TMEM156: variants seen among roughly 807,000 people sequenced by gnomAD.
TMEM156 encodes transmembrane protein 156.
A neutral mutation model predicts 30.5 loss-of-function variants in TMEM156; 28 were observed. The observed-to-expected ratio is 0.92, with a 90% CI of 0.68 to 1.26. The LOEUF (loss-of-function observed/expected upper bound fraction) is 1.26. Among genes scored for constraint, TMEM156 ranks in the 50% most tolerant of loss-of-function variants. TMEM156 has a pLI of 0.00. For synonymous variants in TMEM156, 137 were observed against 119.9 expected (o/e 1.14, Z -0.93); for missense variants, 351 against 340.6 (o/e 1.03, Z -0.24).
intron 3 of TMEM156, among the ~76,000 whole-genome samples, chr4:38,989,790 C>CTTATTTTATT (rs1271037053): frequency 3.2e-5 from 4 of 124,736 alleles, no homozygotes; most frequent in African/African-American, 1.1e-4. Context: ...TTTATTTTAT[C>CTTATTTTATT]TTATTTTATT....
intron 1 of TMEM156, among the ~76,000 whole-genome samples, chr4:39,014,550 G>A (rs1374949137): frequency 6.6e-6 from 1 of 152,054 alleles, no homozygotes; most frequent in African/African-American, 2.4e-5. Context: ...CTTGAGGTCA[G>A]GAGTTTGAGG....
At chr4:39,022,849 A>G (rs1714959907) in intron 1 of TMEM156, among the ~76,000 whole-genome samples, 1 of 152,224 alleles carries the variant, frequency 6.6e-6, no homozygotes, top group Non-Finnish European at 1.5e-5. Flanking sequence ...TTGACTATAC[A>G]TATTCTAAGT....
intron 6 of TMEM156, 61 bp from the exon 7 acceptor site, chr4:38,967,702 T>C (rs1722410914): frequency 6.6e-6 from 1 of 152,268 alleles, no homozygotes; most frequent in Non-Finnish European, 1.5e-5. Flanking sequence ...TAAGTGTTAC[T>C]TGAATTAGAA....
intron 1 of TMEM156, among the ~76,000 whole-genome samples, chr4:39,003,371 G>T (rs1713511220): frequency 6.6e-6 from 1 of 151,878 alleles, no homozygotes; most frequent in South Asian, 2.1e-4. Flanking sequence ...TTTTGCTCTT[G>T]TTGCCTAGGC....
intron 3 of TMEM156, among the ~76,000 whole-genome samples, 181 bp from the exon 4 acceptor site, chr4:38,989,151 G>A (rs1418118119): frequency 6.6e-6 from 1 of 152,182 alleles, no homozygotes; most frequent in East Asian, 1.9e-4. Flanking sequence ...TGAAATGAAG[G>A]TATTATACGG....
At chr4:39,009,043 TA>T (rs1414321103) in intron 1 of TMEM156, among the ~76,000 whole-genome samples, 2 of 151,932 alleles carry the variant, frequency 1.3e-5, no homozygotes, top group African/African-American at 4.8e-5. Context: ...AAGAGCTAAA[TA>T]ACCATGATCA....
At chr4:39,017,061 A>G (rs1035097589) in intron 1 of TMEM156, among the ~76,000 whole-genome samples, 2 of 151,964 alleles carry the variant, frequency 1.3e-5, no homozygotes, top group Non-Finnish European at 2.9e-5. Context: ...AAACCACCCT[A>G]TGATTCAATT....
intron 1 of TMEM156, among the ~76,000 whole-genome samples, chr4:39,010,651 A>G (rs1577567347): frequency 6.6e-6 from 1 of 152,226 alleles, no homozygotes; most frequent in African/African-American, 2.4e-5. Flanking sequence ...GAAGCTGACA[A>G]AAGTAAACAC....
At chr4:39,007,754 G>T (rs1713841273) in intron 1 of TMEM156, among the ~76,000 whole-genome samples, 1 of 152,060 alleles carries the variant, frequency 6.6e-6, no homozygotes, top group Non-Finnish European at 1.5e-5. Context: ...ACTGCACCCA[G>T]CCCTTTCTGT....
At chr4:38,978,773 G>T (rs185321975) in intron 5 of TMEM156, among the ~76,000 whole-genome samples, 1 of 152,130 alleles carries the variant, frequency 6.6e-6, no homozygotes, top group Non-Finnish European at 1.5e-5. Flanking sequence ...CAAGCTATCT[G>T]CCAAGGAATG....
intron 3 of TMEM156, among the ~76,000 whole-genome samples, chr4:38,992,700 AAT>A (rs527502000): frequency 0.068 from 2,968 of 43,900 alleles, 163 homozygotes; most frequent in African/African-American, 0.19. Context: ...TATATTATAT[AAT>A]ATATATATAT....
At chr4:38,996,916 G>C (rs963888728) in intron 2 of TMEM156, among the ~76,000 whole-genome samples, 1 of 152,182 alleles carries the variant, frequency 6.6e-6, no homozygotes, top group African/African-American at 2.4e-5. Context: ...TGGAGAGATG[G>C]ATAGATAGAT....
At chr4:39,019,477 G>T (rs768336686) in intron 1 of TMEM156, among the ~76,000 whole-genome samples, 21 of 152,116 alleles carry the variant, frequency 1.4e-4, no homozygotes, top group Non-Finnish European at 2.2e-4. Context: ...CACAAAATGT[G>T]GCAGAGCATT....
At chr4:38,970,202 C>G (rs2109852094) in intron 6 of TMEM156, among the ~76,000 whole-genome samples, 1 of 152,078 alleles carries the variant, frequency 6.6e-6, no homozygotes, top group East Asian at 1.9e-4. Flanking sequence ...GTCTCTGTCT[C>G]TCTGGGTTTC....
At chr4:38,986,631 A>G (rs914987293) in intron 4 of TMEM156, among the ~76,000 whole-genome samples, 2 of 151,460 alleles carry the variant, frequency 1.3e-5, no homozygotes, top group Non-Finnish European at 2.9e-5. Context: ...ATATGGTGAA[A>G]CCCCATCTCT....
At chr4:38,999,803 C>T (rs1713208881) in intron 1 of TMEM156, among the ~76,000 whole-genome samples, 1 of 152,164 alleles carries the variant, frequency 6.6e-6, no homozygotes, top group African/African-American at 2.4e-5. Context: ...AGTCATATTG[C>T]TTTCTCCTCT....
chr4:39,029,059 T>C (rs1034801527), intron 1 of TMEM156, among the ~76,000 whole-genome samples: 1 of 152,208 alleles, frequency 6.6e-6, no homozygotes, highest in African/African-American at 2.4e-5. Context: ...ACATTCTTGA[T>C]GAAAAATTAT....
chr4:39,004,787 G>A (rs1463665924), intron 1 of TMEM156, among the ~76,000 whole-genome samples: 1 of 152,060 alleles, frequency 6.6e-6, no homozygotes, highest in African/African-American at 2.4e-5. Flanking sequence ...TTGCTGGTAG[G>A]AATGTAAAAT....
chr4:38,973,639 C>A (rs113155691), intron 5 of TMEM156, among the ~76,000 whole-genome samples: 2,503 of 152,164 alleles, frequency 0.016, 27 homozygotes, highest in East Asian at 0.061. Context: ...CTGCAGAATA[C>A]GTGATCATTT....
Sources: allele counts gnomAD v4.1 joint callset (sites outside exome capture counted in the v4.1 genomes callset), GRCh38; gene constraint gnomAD v4.1.1; transcripts MANE v1.5; gene names NCBI Gene and HGNC (gene_info 2026-07-23, HGNC 2026-07-21).